FHOD3: variants seen among roughly 807,000 people sequenced by gnomAD.
FHOD3 encodes the protein FH1/FH2 domain-containing protein 3.
In FHOD3, 90 loss-of-function variants were observed where a neutral mutation model predicts 173.0. The observed-to-expected ratio is 0.52, with a 90% CI of 0.44 to 0.62. The LOEUF (loss-of-function observed/expected upper bound fraction) is 0.62. Among genes scored for constraint, FHOD3 ranks in the 20% least tolerant of loss-of-function variants. FHOD3 has a pLI of 0.00. For missense variants in FHOD3, 1,945 were observed against 2,034.7 expected, an observed-to-expected ratio of 0.96 and a Z score of 0.85; for synonymous variants, 828 against 823.0, an observed-to-expected ratio of 1.01 and a Z score of -0.10.
At chr18:36,381,556 T>C (rs1396729766) in intron 3 of FHOD3, among the ~76,000 whole-genome samples, 1 of 152,306 alleles carries the variant, frequency 6.6e-6, no homozygotes, top group Admixed American at 6.5e-5. Context: ...GAGTCCCTGT[T>C]CTGGGTTTGG....
intron 16 of FHOD3, among the ~76,000 whole-genome samples, chr18:36,691,441 G>A (rs1370121767): frequency 6.6e-6 from 1 of 152,222 alleles, no homozygotes; most frequent in Non-Finnish European, 1.5e-5. Flanking sequence ...TTCTGGCCTT[G>A]AACTTGCCAC....
intron 9 of FHOD3, among the ~76,000 whole-genome samples, chr18:36,620,933 A>G (rs1215629053): frequency 2.6e-5 from 4 of 152,226 alleles, no homozygotes; most frequent in African/African-American, 9.6e-5. Flanking sequence ...GAATGTTCTC[A>G]AGCAATTGCA....
intron 23 of FHOD3, among the ~76,000 whole-genome samples, chr18:36,746,302 G>T (rs2042154688): frequency 6.6e-6 from 1 of 152,168 alleles, no homozygotes; most frequent in Admixed American, 6.5e-5. Flanking sequence ...TTCAGAGTTT[G>T]GGAATCACCT....
intron 27 of FHOD3, among the ~76,000 whole-genome samples, chr18:36,764,523 C>A (rs2043056757): frequency 6.6e-6 from 1 of 151,936 alleles, no homozygotes; most frequent in Non-Finnish European, 1.5e-5. Context: ...GTCTTGAGCC[C>A]CTGTGTCTTG....
intron 3 of FHOD3, among the ~76,000 whole-genome samples, chr18:36,398,253 T>G: frequency 6.6e-6 from 1 of 152,260 alleles, no homozygotes; most frequent in East Asian, 1.9e-4. Context: ...GTGCTATGAA[T>G]TGAACTATTT....
chr18:36,506,034 C>T (rs934178216), intron 4 of FHOD3, among the ~76,000 whole-genome samples: 4 of 152,180 alleles, frequency 2.6e-5, no homozygotes, highest in African/African-American at 7.2e-5. Flanking sequence ...GTACTGGGGA[C>T]TTATGCTTAC....
At chr18:36,432,895 T>C (rs970810640) in intron 3 of FHOD3, among the ~76,000 whole-genome samples, 3 of 152,272 alleles carry the variant, frequency 2.0e-5, no homozygotes, top group Non-Finnish European at 2.9e-5. Flanking sequence ...CATATCTTTC[T>C]GTTTCCCATT....
intron 14 of FHOD3, among the ~76,000 whole-genome samples, chr18:36,676,596 A>G (rs989480144): frequency 2.0e-5 from 3 of 152,208 alleles, no homozygotes; most frequent in Non-Finnish European, 2.9e-5. Context: ...AAATGTATTA[A>G]GTGTTTTTTT....
intron 3 of FHOD3, among the ~76,000 whole-genome samples, chr18:36,409,535 TCC>T (rs920600686): frequency 2.6e-4 from 40 of 152,110 alleles, no homozygotes; most frequent in Admixed American, 7.2e-4. Flanking sequence ...TTGATTCATT[TCC>T]CCCTCTACTG....
At chr18:36,494,821 C>G (rs2054655802) in intron 3 of FHOD3, among the ~76,000 whole-genome samples, 1 of 152,188 alleles carries the variant, frequency 6.6e-6, no homozygotes, top group Non-Finnish European at 1.5e-5. Context: ...GCCCCCATTT[C>G]TGCTTTGAGT....
Position 36,779,464 on chromosome 18 carries a change from G to A in FHOD3, c.4803G>A (p.Lys1601=). 6.2e-7 allele frequency: 1 copy of A among 1,614,188 alleles called. No homozygotes were observed. ...ANRKSLRRTL[K]SGLTPEEARA... ...CCACTGCAGTGCGAAGAACCCTGAA[G>A]AGCGGCCTGACCCCAGAAGAAGCCA... The change falls in exon 29 of 29, where the codon AAG becomes AAA. Residue 1601 remains lysine (K), a synonymous_variant. Coordinates refer to ENST00000590592, the MANE Select transcript of FHOD3 (RefSeq NM_001281740.3).
chr18:36,378,962 G>C (rs1022283560), intron 3 of FHOD3, among the ~76,000 whole-genome samples: 9 of 152,226 alleles, frequency 5.9e-5, no homozygotes, highest in Admixed American at 2.6e-4. Context: ...TGGGATTACA[G>C]GCATGAGCCA....
Position 36,760,677 on chromosome 18 carries a change from G to A in FHOD3, c.4519G>A (p.Ala1507Thr), listed in dbSNP as rs574765321. 8.8e-5 allele frequency: 142 copies of A among 1,613,328 alleles called. 1 individual carries two copies. The East Asian group carries it at 2.8e-3, about 32-fold the overall frequency. Residue 1507 changes from alanine (A) to threonine (T), a missense_variant, in exon 27 of 29, where the codon GCG becomes ACG. This residue lies in a region of FHOD3 where 354 missense variants were observed against 359.9 expected (regional missense o/e 0.98). Coordinates refer to ENST00000590592, the MANE Select transcript of FHOD3 (RefSeq NM_001281740.3). Reference sequence around the variant, plus strand: ...GCAGGGTCTGAGCTATGCGGAGGACGCGGCTGAGCACGAGAACATGAAGGC... The same window carrying A: ...GCAGGGTCTGAGCTATGCGGAGGACACGGCTGAGCACGAGAACATGAAGGC... ...QPQGLSYAED[A>T]AEHENMKAVL...
intron 3 of FHOD3, among the ~76,000 whole-genome samples, chr18:36,484,495 T>A (rs12967999): frequency 6.6e-6 from 1 of 152,048 alleles, no homozygotes; most frequent in African/African-American, 2.4e-5. Context: ...TGGTATTAAC[T>A]GGTGAAATAA....
chr18:36,696,234 G>C (rs2039274843), intron 17 of FHOD3, among the ~76,000 whole-genome samples: 1 of 152,172 alleles, frequency 6.6e-6, no homozygotes, highest in African/African-American at 2.4e-5. Context: ...ATTTGTCATG[G>C]AGTCATGGCT....
intron 9 of FHOD3, among the ~76,000 whole-genome samples, chr18:36,624,932 C>T (rs182732204): frequency 6.6e-6 from 1 of 152,318 alleles, no homozygotes; most frequent in African/African-American, 2.4e-5. Flanking sequence ...CTGTGATAGC[C>T]TGATAGTGCA....
At chr18:36,412,676 A>T (rs1399847546) in intron 3 of FHOD3, among the ~76,000 whole-genome samples, 2 of 152,242 alleles carry the variant, frequency 1.3e-5, no homozygotes, top group Non-Finnish European at 2.9e-5. Context: ...AAGTCATAAT[A>T]CTTTTTGCTA....
intron 3 of FHOD3, among the ~76,000 whole-genome samples, chr18:36,404,381 A>C (rs959263801): frequency 2.0e-5 from 3 of 152,190 alleles, no homozygotes; most frequent in African/African-American, 7.2e-5. Flanking sequence ...CAGGGATTGT[A>C]GTGTTCTCCT....
chr18:36,309,825 G>A (rs1292639648), intron 1 of FHOD3, among the ~76,000 whole-genome samples: 4 of 152,184 alleles, frequency 2.6e-5, no homozygotes, highest in Non-Finnish European at 5.9e-5. Flanking sequence ...TACAGAATAC[G>A]CCAGTACTAG....
Sources: allele counts gnomAD v4.1 joint callset (sites outside exome capture counted in the v4.1 genomes callset), GRCh38; gene constraint gnomAD v4.1.1; regional missense constraint gnomAD v4.1.1; transcripts MANE v1.5; gene names NCBI Gene and HGNC (gene_info 2026-07-23, HGNC 2026-07-21).